Variants in CCDC60 observed in about 807,000 individuals in gnomAD.
CCDC60 encodes the protein coiled-coil domain-containing protein 60.
In CCDC60, 54 loss-of-function variants were observed where a neutral mutation model predicts 63.5. That is an observed-to-expected ratio of 0.85 (90% CI 0.68 to 1.07). The LOEUF is 1.07. Ranked by LOEUF, CCDC60 falls within the 50% of genes least tolerant of loss-of-function variation. CCDC60 has a pLI of 0.00. For synonymous variants in CCDC60, 206 were observed against 238.8 expected, an observed-to-expected ratio of 0.86 and a Z score of 1.27; for missense variants, 651 against 684.3, an observed-to-expected ratio of 0.95 and a Z score of 0.54.
intron 1 of CCDC60, among the ~76,000 whole-genome samples, chr12:119,396,118 A>T (rs1475504243): frequency 6.6e-6 from 1 of 151,944 alleles, no homozygotes; most frequent in Non-Finnish European, 1.5e-5. Context: ...TTGTATTTTT[A>T]GTAGAGACTG....
intron 1 of CCDC60, among the ~76,000 whole-genome samples, chr12:119,368,234 GA>G (rs113045919): frequency 0.1 from 14,767 of 142,430 alleles, 1,450 homozygotes; most frequent in East Asian, 0.52. Flanking sequence ...GGAGGAGGAG[GA>G]GGGGGAGGAG....
chr12:119,531,199 G>T (rs1952831454), intron 13 of CCDC60, 136 bp downstream of exon 13: 1 of 727,850 alleles, frequency 1.4e-6, no homozygotes, highest in South Asian at 2.4e-5. Flanking sequence ...ATAGTAGAGG[G>T]ATTGTCCCAT....
rs531018794 is a variant in CCDC60 at position 119,403,923 on chromosome 12, A to G, written c.91-24760A>G. Among the ~76,000 whole-genome samples, 9 of 152,318 alleles carry G rather than the reference A, an allele frequency of 5.9e-5. No homozygotes were observed. The South Asian group carries it at 1.9e-3, about 32-fold the overall frequency. On this transcript the variant is annotated intron_variant, in intron 1 of 13. Coordinates refer to ENST00000327554, the MANE Select transcript of CCDC60 (RefSeq NM_178499.5). ...TATGTATACATTGTGGGATGATTGA[A>G]TCAAGCTAATTAACATATCCATCAC...
At chr12:119,428,323 A>T (rs150414326) in intron 1 of CCDC60, among the ~76,000 whole-genome samples, 1 of 152,336 alleles carries the variant, frequency 6.6e-6, no homozygotes, top group Admixed American at 6.5e-5. Context: ...GCTTGCTATC[A>T]GTGAGGAATT....
chr12:119,353,598 C>CTTTTTTTTTTT (rs71072514), intron 1 of CCDC60, among the ~76,000 whole-genome samples: 4 of 68,204 alleles, frequency 5.9e-5, no homozygotes, highest in African/African-American at 5.7e-5. Context: ...TCTTCTTCTT[C>CTTTTTTTTTTT]TTTTTTTTTT....
At chr12:119,368,589 G>C (rs1052324113) in intron 1 of CCDC60, among the ~76,000 whole-genome samples, 7 of 152,182 alleles carry the variant, frequency 4.6e-5, no homozygotes, top group East Asian at 1.9e-4. Flanking sequence ...TGCAACCATG[G>C]GGGAAACCAT....
intron 3 of CCDC60, among the ~76,000 whole-genome samples, chr12:119,474,446 T>C (rs1209954523): frequency 6.6e-6 from 1 of 152,220 alleles, no homozygotes; most frequent in Non-Finnish European, 1.5e-5. Context: ...TGGAATCATA[T>C]ATTATGTGAC....
chr12:119,402,623 G>A (rs7302106), intron 1 of CCDC60, among the ~76,000 whole-genome samples: 6,877 of 152,266 alleles, frequency 0.045, 268 homozygotes, highest in African/African-American at 0.1. Context: ...AATAATATGT[G>A]TAAAACTAAG....
At chr12:119,481,334 G>C (rs907031358) in intron 4 of CCDC60, among the ~76,000 whole-genome samples, 1 of 152,072 alleles carries the variant, frequency 6.6e-6, no homozygotes, top group African/African-American at 2.4e-5. Flanking sequence ...CTCTCCCATG[G>C]ACAAGACTTC....
chr12:119,364,564 C>G (rs1474878371), intron 1 of CCDC60, among the ~76,000 whole-genome samples: 3 of 151,878 alleles, frequency 2.0e-5, no homozygotes, highest in African/African-American at 7.3e-5. Context: ...GTGGCCTGCT[C>G]TCTTTTATTA....
intron 2 of CCDC60, among the ~76,000 whole-genome samples, chr12:119,437,509 C>T (rs74540448): frequency 6.6e-6 from 1 of 152,158 alleles, no homozygotes; most frequent in Non-Finnish European, 1.5e-5. Flanking sequence ...CTTATTAACT[C>T]AAATTGAGGC....
intron 2 of CCDC60, among the ~76,000 whole-genome samples, chr12:119,440,315 G>A (rs1950416591): frequency 6.6e-6 from 1 of 152,132 alleles, no homozygotes; most frequent in African/African-American, 2.4e-5. Context: ...CGGATTGTGA[G>A]GTCAGGAGAT....
chr12:119,505,549 C>A (rs1305677281), intron 7 of CCDC60, among the ~76,000 whole-genome samples: 1 of 152,238 alleles, frequency 6.6e-6, no homozygotes, highest in African/African-American at 2.4e-5. Context: ...CTGCCCTTTT[C>A]TAATTTTAAA....
intron 1 of CCDC60, among the ~76,000 whole-genome samples, chr12:119,338,060 T>G (rs1314633207): frequency 6.6e-6 from 1 of 152,078 alleles, no homozygotes; most frequent in African/African-American, 2.4e-5. Flanking sequence ...AACTGTTGGA[T>G]AGACCAAGAC....
chr12:119,461,163 C>G (rs758826852), intron 2 of CCDC60, among the ~76,000 whole-genome samples: 2 of 152,158 alleles, frequency 1.3e-5, no homozygotes, highest in African/African-American at 4.8e-5. Context: ...GACTGTTAAG[C>G]AAGCTGACGA....
At chr12:119,356,568 C>T (rs1393076151) in intron 1 of CCDC60, among the ~76,000 whole-genome samples, 1 of 152,220 alleles carries the variant, frequency 6.6e-6, no homozygotes, top group African/African-American at 2.4e-5. Flanking sequence ...CTTCCCAATA[C>T]AGTATCAGTC....
At chr12:119,417,881 C>G (rs187756731) in intron 1 of CCDC60, among the ~76,000 whole-genome samples, 1 of 152,158 alleles carries the variant, frequency 6.6e-6, no homozygotes, top group Non-Finnish European at 1.5e-5. Context: ...TTCCTTTATT[C>G]CCAAAGCACG....
intron 1 of CCDC60, among the ~76,000 whole-genome samples, chr12:119,382,374 C>T (rs543492779): frequency 2.6e-5 from 4 of 152,184 alleles, no homozygotes; most frequent in Non-Finnish European, 5.9e-5. Flanking sequence ...CAGGGAAGCA[C>T]GATGAGCACC....
At position 119,456,990 on chromosome 12, in the gene CCDC60, C is replaced by T. The variant is rs935238329; in HGVS notation, c.171-15004C>T. 6.6e-6 allele frequency among the ~76,000 whole-genome samples: 1 copy of T among 152,198 alleles called. No individual in the cohort carries two copies. The highest frequency in any genetic ancestry group is 1.5e-5 in the Non-Finnish European group (1 of 68,030). On this transcript the variant is annotated intron_variant, in intron 2 of 13. Transcript: ENST00000327554. The surrounding 1 kb of genome is among the most constrained non-coding windows in gnomAD (Gnocchi z 4.6). Reference sequence around the variant, plus strand: ...CCCAGTAGGTCTCAGCATCATTTTACCTAGCCCCATTCAAGATGGAGTTGC... The same window carrying T: ...CCCAGTAGGTCTCAGCATCATTTTATCTAGCCCCATTCAAGATGGAGTTGC...
Sources: gnomAD v4.1 joint callset for allele counts (sites outside exome capture counted in the v4.1 genomes callset) on GRCh38, gnomAD v4.1.1 for gene constraint, Gnocchi (gnomAD v3.1) non-coding constraint, MANE v1.5 for transcripts, NCBI Gene and HGNC (gene_info 2026-07-23, HGNC 2026-07-21) for gene names.